NUP210L: variants seen among roughly 807,000 people sequenced by gnomAD.
NUP210L encodes nuclear pore membrane glycoprotein 210-like.
A neutral mutation model predicts 208.5 loss-of-function variants in NUP210L; 74 were observed. The ratio of observed to expected loss-of-function variants is 0.35; its 90% confidence interval spans 0.29 to 0.43. The LOEUF is 0.43. Among genes scored for constraint, NUP210L ranks in the 20% least tolerant of loss-of-function variants. The pLI is 1.00. For synonymous variants in NUP210L, 780 were observed against 816.9 expected, an observed-to-expected ratio of 0.95 and a Z score of 0.77; for missense variants, 1,843 against 2,289.4, an observed-to-expected ratio of 0.81 and a Z score of 3.98.
intron 16 of NUP210L, among the ~76,000 whole-genome samples, chr1:154,082,669 T>C (rs2148033155): frequency 6.6e-6 from 1 of 152,316 alleles, no homozygotes; most frequent in South Asian, 2.1e-4. Flanking sequence ...CTTCCGTAAT[T>C]GGTTCCTTCT....
intron 25 of NUP210L, 83 bp downstream of exon 25, chr1:154,054,145 C>T (rs1025469807): frequency 6.3e-6 from 9 of 1,426,026 alleles, no homozygotes; most frequent in Non-Finnish European, 8.8e-6. Context: ...CTGACACCCT[C>T]CTCATTACCA....
At chr1:154,009,445 A>G (rs1650770880) in intron 35 of NUP210L, among the ~76,000 whole-genome samples, 1 of 152,044 alleles carries the variant, frequency 6.6e-6, no homozygotes, top group African/African-American at 2.4e-5. Flanking sequence ...AAAATAGTAA[A>G]TTATAATAGA....
Position 154,143,596 on chromosome 1 carries a change from CTGAG to C in NUP210L, c.341-23_341-20del. 3.7e-6 allele frequency: 6 copies of C among 1,603,664 alleles called. No homozygotes were observed. Among genetic ancestry groups the C allele is most frequent in the Non-Finnish European group, 5.1e-6 (6 of 1,174,210 alleles). ...TCAGTCACTACAATGAACCCAAAAA[CTGAG>C]TATTTAATTCAATAGGTCATGAATC... On this transcript the variant is annotated intron_variant, in intron 2 of 39. Transcript: ENST00000368559.
intron 16 of NUP210L, among the ~76,000 whole-genome samples, chr1:154,082,235 C>T (rs559459744): frequency 2.6e-5 from 4 of 152,248 alleles, no homozygotes; most frequent in East Asian, 3.9e-4. Flanking sequence ...TGTGAGTCCC[C>T]CCATTTGCAA....
At chr1:154,012,922 C>T (rs551586526) in intron 33 of NUP210L, among the ~76,000 whole-genome samples, 30 of 145,748 alleles carry the variant, frequency 2.1e-4, no homozygotes, top group Non-Finnish European at 3.9e-4. Context: ...AGGAGAATCG[C>T]TTGAACCTGG....
chr1:154,085,983 G>A (rs746382465), intron 16 of NUP210L, among the ~76,000 whole-genome samples: 16 of 151,954 alleles, frequency 1.1e-4, no homozygotes, highest in Non-Finnish European at 1.3e-4. Flanking sequence ...AGGCCAAGGC[G>A]GGCAGATCAT....
chr1:154,080,930 T>C (rs2148030038), intron 16 of NUP210L, among the ~76,000 whole-genome samples: 1 of 143,214 alleles, frequency 7.0e-6, no homozygotes, highest in Admixed American at 7.4e-5. Flanking sequence ...GTCGAGATAG[T>C]GCCACCATAC....
At chr1:154,081,268 A>C (rs1280549066) in intron 16 of NUP210L, among the ~76,000 whole-genome samples, 1 of 152,160 alleles carries the variant, frequency 6.6e-6, no homozygotes, top group Non-Finnish European at 1.5e-5. Context: ...ACAGTAGCCA[A>C]AAGAGAGCTG....
At chr1:154,055,176 T>TTTCTTTCTTTCTTTCTTTCTTTCTTTC (rs1553228990) in intron 23 of NUP210L, among the ~76,000 whole-genome samples, 10 of 120,068 alleles carry the variant, frequency 8.3e-5, no homozygotes, top group East Asian at 2.4e-4. Flanking sequence ...TCTTTCTTTC[T>TTTCTTTCTTTCTTTCTTTCTTTCTTTC]TTCTTTCTTT....
chr1:154,002,214 A>G (rs1650259945), intron 35 of NUP210L, among the ~76,000 whole-genome samples: 1 of 152,088 alleles, frequency 6.6e-6, no homozygotes. Flanking sequence ...TTCTGAGAAT[A>G]CCATTCTTTC....
chr1:154,088,660 TG>T (rs1655746849), intron 16 of NUP210L, among the ~76,000 whole-genome samples: 1 of 152,206 alleles, frequency 6.6e-6, no homozygotes, highest in African/African-American at 2.4e-5. Context: ...AAAGGCAGTA[TG>T]GCATAAATAA....
rs554656747 is a variant in NUP210L at position 154,103,316 on chromosome 1, C to T, written c.1819+696G>A. Among the ~76,000 whole-genome samples the T allele has an allele frequency of 2.6e-5, 4 of 151,890 alleles. No homozygotes were observed. In the South Asian group the frequency reaches 8.3e-4, roughly 32 times the overall value. On this transcript the variant is annotated intron_variant, in intron 13 of 39. Transcript: ENST00000368559. ...GGCTGAGGCAGGAAAATTGCTTGAA[C>T]CCGGGAGGTGGAGGTTGCAGTGAGC...
At chr1:154,035,217 T>G (rs1317429013) in intron 27 of NUP210L, among the ~76,000 whole-genome samples, 1 of 152,114 alleles carries the variant, frequency 6.6e-6, no homozygotes. Context: ...TTTGTCAATT[T>G]TGTTTATCTT....
chr1:154,111,031 C>T (rs959609395), intron 12 of NUP210L, among the ~76,000 whole-genome samples: 4 of 149,544 alleles, frequency 2.7e-5, no homozygotes, highest in African/African-American at 5.0e-5. Context: ...TAAACAAAAT[C>T]GACAAACCTT....
chr1:154,018,896 A>G (rs935749992), intron 33 of NUP210L, 37 bp downstream of exon 33: 53 of 1,605,562 alleles, frequency 3.3e-5, no homozygotes, highest in Non-Finnish European at 4.4e-5. Flanking sequence ...GGCAATAGTC[A>G]CCCTAGTCTC....
intron 10 of NUP210L, among the ~76,000 whole-genome samples, chr1:154,121,558 A>C (rs1007982673): frequency 1.3e-5 from 2 of 152,220 alleles, no homozygotes; most frequent in Non-Finnish European, 2.9e-5. Flanking sequence ...TCCATCATAA[A>C]GTTCTTCCAC....
At chr1:154,043,427 G>T (rs1368866907) in intron 27 of NUP210L, among the ~76,000 whole-genome samples, 4 of 151,710 alleles carry the variant, frequency 2.6e-5, no homozygotes, top group African/African-American at 9.7e-5. Flanking sequence ...CGATTCTCCT[G>T]CCTCAGCCAC....
chr1:154,102,674 C>T (rs1290895521), intron 13 of NUP210L, among the ~76,000 whole-genome samples: 1 of 152,052 alleles, frequency 6.6e-6, no homozygotes, highest in Non-Finnish European at 1.5e-5. Flanking sequence ...TTAGATGCTA[C>T]TACTGTCATT....
chr1:154,105,086 C>T (rs765439282), intron 12 of NUP210L, among the ~76,000 whole-genome samples: 4 of 152,198 alleles, frequency 2.6e-5, no homozygotes, highest in Non-Finnish European at 5.9e-5. Flanking sequence ...CCATTTCAGA[C>T]ACTAACTCCC....
Sources: gnomAD v4.1 joint callset for allele counts (sites outside exome capture counted in the v4.1 genomes callset) on GRCh38, gnomAD v4.1.1 for gene constraint, MANE v1.5 for transcripts, NCBI Gene and HGNC (gene_info 2026-07-23, HGNC 2026-07-21) for gene names.